Variants in IBA57 observed in about 807,000 individuals in gnomAD.
The protein encoded by IBA57 is iron-sulfur cluster assembly factor IBA57, mitochondrial.
A neutral mutation model predicts 20.4 loss-of-function variants in IBA57; 20 were observed. The observed-to-expected ratio is 0.98, with a 90% CI of 0.69 to 1.42. The LOEUF (loss-of-function observed/expected upper bound fraction) is 1.42. Among genes scored for constraint, IBA57 ranks in the 40% most tolerant of loss-of-function variants. IBA57 has a pLI of 0.00. For missense variants in IBA57, 608 were observed against 499.3 expected (o/e 1.22, Z -2.07); for synonymous variants, 310 against 233.9 (o/e 1.33, Z -2.97).
In IBA57 at chr1:228,175,443, G is replaced by C; in HGVS notation, c.1001G>C (p.Arg334Thr). Residue 334 changes from arginine (R) to threonine (T), a missense_variant, in exon 3 of 3, where the codon AGA becomes ACA. Transcript: ENST00000366711. ...SEKIKGPLHIRASEGAQVALA... is the reference protein window; with the variant it reads ...SEKIKGPLHITASEGAQVALA... ...AAGATCAAGGGTCCTCTGCACATCA[G>C]AGCCTCTGAGGGTGCCCAGGTGGCC... 6.2e-7 allele frequency: 1 copy of C among 1,610,574 alleles called. No homozygotes were observed. Among genetic ancestry groups the C allele is most frequent in the South Asian group, 1.1e-5 (1 of 90,906 alleles).
chr1:228,174,160 G>T (rs1230965550), intron 1 of IBA57, among the ~76,000 whole-genome samples: 2 of 133,808 alleles, frequency 1.5e-5, no homozygotes, highest in East Asian at 2.6e-4. Context: ...GGCGTGGCTC[G>T]CTGTGGGCGT....
rs764646741 is a variant in IBA57 at position 228,175,468 on chromosome 1, C to T, written c.1026C>T (p.Ala342=). 1 of 1,599,892 alleles carries T rather than the reference C, an allele frequency of 6.3e-7. No homozygotes were observed. Among genetic ancestry groups the T allele is most frequent in the Admixed American group, 1.7e-5 (1 of 59,062 alleles). ...GAGCCTCTGAGGGTGCCCAGGTGGC[C>T]TTAGCCGCATCTGTGCCAGACTGGT... ...HIRASEGAQV[A]LAASVPDWWP... The change falls in exon 3 of 3, where the codon GCC becomes GCT. Residue 342 remains alanine (A), a synonymous_variant. Transcript: ENST00000366711.
In IBA57 at chr1:228,175,290, G is replaced by A. The variant is rs749840888; in HGVS notation, c.848G>A (p.Arg283Gln). The A allele has an allele frequency of 6.8e-6, 11 of 1,612,908 alleles. No individual in the cohort carries two copies. The highest frequency in any genetic ancestry group is 2.2e-5 in the East Asian group (1 of 44,876). Residue 283 changes from arginine to glutamine, a missense_variant, in exon 3 of 3, where the codon CGG (arginine) becomes CAG (glutamine). Coordinates refer to ENST00000366711, the MANE Select transcript of IBA57 (RefSeq NM_001010867.4). Reference sequence around the variant, plus strand: ...ATCCGCAAGCGCCTCTTCCCTGTCCGGTTCTTGGACCCCCTTCCCACCAGT... The same window carrying A: ...ATCCGCAAGCGCCTCTTCCCTGTCCAGTTCTTGGACCCCCTTCCCACCAGT... Reference protein sequence around the residue: ...GVIRKRLFPVRFLDPLPTSGI... With the variant: ...GVIRKRLFPVQFLDPLPTSGI...
At chr1:228,175,054 G>C (rs2034990635) in intron 2 of IBA57, 25 bp downstream of exon 2, 2 of 1,567,012 alleles carry the variant, frequency 1.3e-6, no homozygotes, top group Non-Finnish European at 1.7e-6. Flanking sequence ...GGCACGCTGG[G>C]CTGGATTGCA....
intron 1 of IBA57, among the ~76,000 whole-genome samples, chr1:228,174,057 C>G (rs1355923634): frequency 1.3e-5 from 2 of 152,176 alleles, no homozygotes; most frequent in Non-Finnish European, 1.5e-5. Context: ...GCGCTGGTCT[C>G]CAAGGTGCCC....
chr1:228,174,061 G>A (rs1405460069), intron 1 of IBA57, among the ~76,000 whole-genome samples: 2 of 152,108 alleles, frequency 1.3e-5, no homozygotes, highest in Non-Finnish European at 2.9e-5. Flanking sequence ...TGGTCTCCAA[G>A]GTGCCCGCAT....
Position 228,166,135 on chromosome 1 carries a change from C to G in IBA57, c.319C>G (p.Leu107Val). ...CTTCCTGAACGTGCAGGGCCGGACG[C>G]TCTATGACGTCATCTTGTACGGGTG... ...AHFLNVQGRT[L>V]YDVILYGLQE... The change falls in exon 1 of 3, where the codon CTC becomes GTC. Residue 107 changes from leucine to valine, a missense_variant. Physicochemically the swap from Leu to Val is conservative, Grantham distance 32. Coordinates refer to ENST00000366711, the MANE Select transcript of IBA57 (RefSeq NM_001010867.4). The G allele has an allele frequency of 6.6e-7, 1 of 1,522,868 alleles. No homozygotes were observed. Among genetic ancestry groups the G allele is most frequent in the African/African-American group, 1.4e-5 (1 of 70,530 alleles). 94.3% of individuals were successfully genotyped at this position (1,522,868 alleles called of 1,614,324 possible). A position where few individuals can be genotyped will look rare whatever the true frequency, so the allele number is the denominator to read the frequency against.
chr1:228,166,242 G>A (rs2034851575), intron 1 of IBA57, 85 bp downstream of exon 1: 2 of 1,120,628 alleles, frequency 1.8e-6, no homozygotes, highest in Non-Finnish European at 2.4e-6. Flanking sequence ...GCGGGCGCCC[G>A]GGGCCTGCAG....
rs1305377871 is a variant in IBA57, at chr1:228,176,510, G to C, written c.*997G>C. 2 of 152,478 alleles carry C rather than the reference G, an allele frequency of 1.3e-5. No homozygotes were observed. Among genetic ancestry groups the C allele is most frequent in the African/African-American group, 4.8e-5 (2 of 41,476 alleles). 9.4% of individuals were successfully genotyped at this position (152,478 alleles called of 1,614,324 possible). A position where few individuals can be genotyped will look rare whatever the true frequency, so the allele number is the denominator to read the frequency against. On this transcript the variant is annotated 3_prime_UTR_variant, in exon 3 of 3. Coordinates refer to ENST00000366711, the MANE Select transcript of IBA57 (RefSeq NM_001010867.4). The stretch of plus-strand genomic sequence containing the variant: ...CCCAGACCTACCAGATGAAGCACTT[G>C]GCATGGCTGCAGGCCAGCAGGGGAG...
rs1297536037 is a variant in IBA57, at chr1:228,176,975, G to A, written c.*1462G>A. ...GAGCCGGTGGCCTTCAGCCCCTCTT[G>A]GACAGGTCATGGTCTGGAAGCGCCC... On this transcript the variant is annotated 3_prime_UTR_variant, in exon 3 of 3. Coordinates refer to ENST00000366711, the MANE Select transcript of IBA57 (RefSeq NM_001010867.4). 2.0e-5 allele frequency: 3 copies of A among 152,334 alleles called. No individual in the cohort carries two copies. The highest frequency in any genetic ancestry group is 4.4e-5 in the Non-Finnish European group (3 of 68,110). The allele number at this position is 152,334 out of a possible 1,614,324, so 9.4% of individuals were successfully genotyped here. A position where few individuals can be genotyped will look rare whatever the true frequency, so the allele number is the denominator to read the frequency against.
intron 1 of IBA57, chr1:228,172,775 T>A (rs1558125238): frequency 1.3e-5 from 2 of 152,318 alleles, no homozygotes; most frequent in African/African-American, 4.8e-5. Flanking sequence ...GTGACCTGGT[T>A]TCTCCTCATG....
At position 228,170,090 on chromosome 1, in the gene IBA57, C is replaced by T. The variant is rs1169135475; in HGVS notation, c.341+3933C>T. Among the ~76,000 whole-genome samples, 4 of 152,196 alleles carry T rather than the reference C, an allele frequency of 2.6e-5. No homozygotes were observed. Among genetic ancestry groups the T allele is most frequent in the East Asian group, 3.9e-4 (2 of 5,150 alleles). ...TTCACCATGTTGGTCAGGCTGGTCT[C>T]GAACTACTGACCTCATGATCCGCCC... On this transcript the variant is annotated intron_variant, in intron 1 of 2. Transcript: ENST00000366711. This position sits in a 1 kb window ranked among gnomAD's most constrained non-coding sequence, Gnocchi z 4.8.
intron 1 of IBA57, among the ~76,000 whole-genome samples, chr1:228,174,022 C>T (rs1184818721): frequency 6.6e-6 from 1 of 152,234 alleles, no homozygotes; most frequent in Non-Finnish European, 1.5e-5. Context: ...CACGCACCCT[C>T]GCATTGCTGT....
chr1:228,181,729 G>T lies in IBA57; in HGVS notation c.*6216G>T, dbSNP rs1029813637. Reference sequence around the variant, plus strand: ...TGCAGCATTTACATTCCCACCAGAAGTGTGCCAGGTTCTTGTCATACTGCG... The same window carrying T: ...TGCAGCATTTACATTCCCACCAGAATTGTGCCAGGTTCTTGTCATACTGCG... On this transcript the variant is annotated 3_prime_UTR_variant, in exon 3 of 3. Transcript: ENST00000366711. The T allele has an allele frequency of 6.6e-6, 1 of 152,282 alleles. No homozygotes were observed. The highest frequency in any genetic ancestry group is 1.5e-5 in the Non-Finnish European group (1 of 68,054). 9.4% of individuals were successfully genotyped at this position (152,282 alleles called of 1,614,324 possible).
Position 228,175,315 on chromosome 1 carries a change from T to C in IBA57, c.873T>C (p.Ser291=). The C allele has an allele frequency of 6.2e-7, 1 of 1,612,668 alleles. No homozygotes were observed. The highest frequency in any genetic ancestry group is 8.5e-7 in the Non-Finnish European group (1 of 1,179,896). ...PVRFLDPLPT[S]GITPGATVLT... The stretch of plus-strand genomic sequence containing the variant: ...GGTTCTTGGACCCCCTTCCCACCAG[T>C]GGCATCACCCCTGGTGCCACGGTGC... Residue 291 remains serine (S), a synonymous_variant, in exon 3 of 3, where the codon AGT becomes AGC. Coordinates refer to ENST00000366711, the MANE Select transcript of IBA57 (RefSeq NM_001010867.4).
At chr1:228,167,403 C>T (rs2034868332) in intron 1 of IBA57, among the ~76,000 whole-genome samples, 1 of 145,474 alleles carries the variant, frequency 6.9e-6, no homozygotes, top group African/African-American at 2.6e-5. Context: ...GTTGCCCAGG[C>T]TGGAGTGCAA....
At position 228,175,593 on chromosome 1, in the gene IBA57, C is replaced by T; in HGVS notation, c.*80C>T. ...GCCTCTGTCCAGGGTCTTCCCGTCC[C>T]ATCTGTCTGCTGCGCCTACTGGGTG... On this transcript the variant is annotated 3_prime_UTR_variant, in exon 3 of 3. Transcript: ENST00000366711. 2.0e-6 allele frequency: 3 copies of T among 1,470,464 alleles called. No individual in the cohort carries two copies. The highest frequency in any genetic ancestry group is 2.7e-6 in the Non-Finnish European group (3 of 1,106,630). 91.1% of individuals were successfully genotyped at this position (1,470,464 alleles called of 1,614,324 possible).
At position 228,175,434 on chromosome 1, in the gene IBA57, T is replaced by C. The variant is rs771809776; in HGVS notation, c.992T>C (p.Leu331Pro). 18 of 1,612,314 alleles carry C rather than the reference T, an allele frequency of 1.1e-5. No homozygotes were observed. Among genetic ancestry groups the C allele is most frequent in the Non-Finnish European group, 1.5e-5 (18 of 1,179,594 alleles). ...TGGTCAGAGAAGATCAAGGGTCCTC[T>C]GCACATCAGAGCCTCTGAGGGTGCC... ...LLWSEKIKGP[L>P]HIRASEGAQV... Residue 331 changes from leucine to proline, a missense_variant, in exon 3 of 3, where the codon CTG becomes CCG. Physicochemically the swap from Leu to Pro is moderately conservative, Grantham distance 98 (BLOSUM62 -3). Transcript: ENST00000366711.
At position 228,178,722 on chromosome 1, in the gene IBA57, TA is replaced by T. The variant is rs2035064975; in HGVS notation, c.*3213del. On this transcript the variant is annotated 3_prime_UTR_variant, in exon 3 of 3. Coordinates refer to ENST00000366711, the MANE Select transcript of IBA57 (RefSeq NM_001010867.4). ...CATCCTAAGAAGTATACGTTCATTG[TA>T]AAATCATTATCATCATCATCTTCTA... 1 of 152,236 alleles carries T rather than the reference TA, an allele frequency of 6.6e-6. No individual in the cohort carries two copies. Among genetic ancestry groups the T allele is most frequent in the South Asian group, 2.1e-4 (1 of 4,830 alleles). The allele number at this position is 152,236 out of a possible 1,614,324, so 9.4% of individuals were successfully genotyped here.
Sources: gnomAD v4.1 joint callset for allele counts (sites outside exome capture counted in the v4.1 genomes callset) on GRCh38, gnomAD v4.1.1 for gene constraint, Gnocchi (gnomAD v3.1) non-coding constraint, MANE v1.5 for transcripts, NCBI Gene and HGNC (gene_info 2026-07-23, HGNC 2026-07-21) for gene names.